The following CSMD1 variants were observed in gnomAD, a reference collection of about 807,000 sequenced individuals.
CSMD1 encodes CUB and sushi domain-containing protein 1.
Under a neutral mutation model 417.5 loss-of-function variants are expected in CSMD1, and 213 were observed. That is an observed-to-expected ratio of 0.51 (90% CI 0.46 to 0.57). The LOEUF is 0.57. Among genes scored for constraint, CSMD1 ranks in the 20% least tolerant of loss-of-function variants. The pLI is 0.00. For synonymous variants in CSMD1, 2,862 were observed against 1,736.8 expected (o/e 1.65, Z -16.11); for missense variants, 6,923 against 4,529.7 (o/e 1.53, Z -15.17).
At chr8:3,299,742 C>G (rs749387156) in intron 25 of CSMD1, among the ~76,000 whole-genome samples, 16 of 152,100 alleles carry the variant, frequency 1.1e-4, no homozygotes, top group African/African-American at 3.9e-4. Flanking sequence ...AATGTATTCA[C>G]ATGTCAAAAA....
At chr8:3,391,048 C>T (rs79457539) in intron 17 of CSMD1, among the ~76,000 whole-genome samples, 6,897 of 152,188 alleles carry the variant, frequency 0.045, 413 homozygotes, top group South Asian at 0.17. Context: ...TGCATCCATG[C>T]GTGTGCCTGT....
At chr8:4,116,843 A>T (rs1333197549) in intron 3 of CSMD1, among the ~76,000 whole-genome samples, 1 of 151,898 alleles carries the variant, frequency 6.6e-6, no homozygotes, top group Non-Finnish European at 1.5e-5. Flanking sequence ...AAAAACAAAA[A>T]GCACCTGGCA....
chr8:4,943,989 G>A (rs187849418), intron 1 of CSMD1, among the ~76,000 whole-genome samples: 135 of 152,294 alleles, frequency 8.9e-4, no homozygotes, highest in African/African-American at 3.1e-3. Context: ...ACATACTGGC[G>A]GTTGTATTTG....
At chr8:4,264,176 G>C (rs914350572) in intron 3 of CSMD1, among the ~76,000 whole-genome samples, 5 of 152,166 alleles carry the variant, frequency 3.3e-5, no homozygotes, top group African/African-American at 4.8e-5. Context: ...TGCAGAAGCT[G>C]TTATGTGGTG....
intron 3 of CSMD1, among the ~76,000 whole-genome samples, chr8:4,054,665 T>A (rs757272265): frequency 6.6e-6 from 1 of 152,138 alleles, no homozygotes. Flanking sequence ...TTGCACAGTG[T>A]CTCATAGGAC....
intron 3 of CSMD1, among the ~76,000 whole-genome samples, chr8:4,327,167 C>T (rs1209826040): frequency 6.6e-6 from 1 of 152,122 alleles, no homozygotes; most frequent in Non-Finnish European, 1.5e-5. Context: ...ATGTTAGATA[C>T]ATTATTGTAT....
intron 37 of CSMD1, among the ~76,000 whole-genome samples, chr8:3,176,038 T>A (rs1779608455): frequency 2.6e-5 from 4 of 152,134 alleles, no homozygotes; most frequent in Non-Finnish European, 4.4e-5. Flanking sequence ...TAGATGTCAT[T>A]AGATGAGGTA....
At chr8:3,992,220 T>C (rs1008265210) in intron 5 of CSMD1, among the ~76,000 whole-genome samples, 2 of 151,990 alleles carry the variant, frequency 1.3e-5, no homozygotes, top group Non-Finnish European at 2.9e-5. Flanking sequence ...ATTTATGCTA[T>C]ACTAAACACT....
At position 2,955,589 on chromosome 8, in the gene CSMD1, T is replaced by G. The variant is rs763225074; in HGVS notation, c.9994A>C (p.Ser3332Arg). ...KWTGKSPVCK[S>R]KGVREVNETV... ...TGCCACTCCTTGATCAATGACTTAC[T>G]TTTACACACAGGCGACTTTCCTGTC... The change falls in exon 64 of 70, where the codon AGT (serine) becomes CGT (arginine). Residue 3332 changes from serine to arginine, a missense_variant and splice_region_variant. Physicochemically the swap from Ser to Arg is moderately radical, Grantham distance 110. Transcript: ENST00000635120. 6.2e-7 allele frequency: 1 copy of G among 1,613,416 alleles called. No homozygotes were observed.
intron 23 of CSMD1, among the ~76,000 whole-genome samples, chr8:3,341,428 A>C (rs144708962): frequency 6.6e-6 from 1 of 152,356 alleles, no homozygotes; most frequent in Non-Finnish European, 1.5e-5. Flanking sequence ...AAGTGTTTAC[A>C]AATGAGAAAT....
intron 2 of CSMD1, among the ~76,000 whole-genome samples, chr8:4,445,164 A>G (rs1464220610): frequency 6.6e-6 from 1 of 152,210 alleles, no homozygotes; most frequent in African/African-American, 2.4e-5. Context: ...TGGCACTAGA[A>G]GAATCTGACA....
At chr8:3,403,536 T>C (rs2116886402) in intron 15 of CSMD1, among the ~76,000 whole-genome samples, 1 of 152,332 alleles carries the variant, frequency 6.6e-6, no homozygotes, top group African/African-American at 2.4e-5. Context: ...TAGCTGGGTT[T>C]TGCCTTTAAC....
chr8:2,963,684 C>T (rs958345801), intron 59 of CSMD1, among the ~76,000 whole-genome samples: 13 of 152,036 alleles, frequency 8.6e-5, no homozygotes, highest in African/African-American at 2.7e-4. Context: ...AAGGAAGAAA[C>T]GTTCTTGCTT....
rs1584946252 is a variant in CSMD1, at chr8:4,167,604, A to T, written c.416-135505T>A. On this transcript the variant is annotated intron_variant, in intron 3 of 69. Coordinates refer to ENST00000635120, the MANE Select transcript of CSMD1 (RefSeq NM_033225.6). ...ATTTAAGGATATGCAAATGGCAGAA[A>T]AAAGGATATGTGGGGGACAGATAAA... Among the ~76,000 whole-genome samples, 3 of 152,222 alleles carry T rather than the reference A, an allele frequency of 2.0e-5. No homozygotes were observed. The South Asian group carries it at 6.2e-4, about 32-fold the overall frequency.
At chr8:3,663,919 T>G (rs1199847273) in intron 7 of CSMD1, among the ~76,000 whole-genome samples, 1 of 152,104 alleles carries the variant, frequency 6.6e-6, no homozygotes, top group Non-Finnish European at 1.5e-5. Flanking sequence ...ATTAACTGAG[T>G]CATGTTTCAG....
intron 10 of CSMD1, among the ~76,000 whole-genome samples, chr8:3,514,127 A>G (rs1032163482): frequency 6.6e-5 from 10 of 152,102 alleles, no homozygotes; most frequent in African/African-American, 2.4e-4. Flanking sequence ...GCTCAAATCA[A>G]TCTCTCCGTA....
chr8:4,499,342 G>A (rs1418943653), intron 2 of CSMD1, among the ~76,000 whole-genome samples: 1 of 152,208 alleles, frequency 6.6e-6, no homozygotes, highest in Non-Finnish European at 1.5e-5. Context: ...ATATGGGGAA[G>A]TGTGAGCTCT....
At chr8:4,123,629 T>C (rs2130951526) in intron 3 of CSMD1, among the ~76,000 whole-genome samples, 1 of 152,328 alleles carries the variant, frequency 6.6e-6, no homozygotes, top group Non-Finnish European at 1.5e-5. Context: ...TTTCCTTTGA[T>C]GATAACATTG....
At chr8:4,743,609 G>A (rs140657015) in intron 1 of CSMD1, among the ~76,000 whole-genome samples, 20 of 152,180 alleles carry the variant, frequency 1.3e-4, no homozygotes, top group African/African-American at 4.8e-4. Flanking sequence ...ATAGTCAAAC[G>A]CTATTCAAAT....
Sources: gnomAD v4.1 joint callset for allele counts (sites outside exome capture counted in the v4.1 genomes callset) on GRCh38, gnomAD v4.1.1 for gene constraint, MANE v1.5 for transcripts, NCBI Gene and HGNC (gene_info 2026-07-23, HGNC 2026-07-21) for gene names.